Variants in GOLM1 observed in about 807,000 individuals in gnomAD.
GOLM1 encodes the protein epididymis luminal protein 46.
Under a neutral mutation model 50.5 loss-of-function variants are expected in GOLM1, and 31 were observed. The observed-to-expected ratio is 0.61, with a 90% CI of 0.46 to 0.83. The LOEUF (loss-of-function observed/expected upper bound fraction) is 0.83, where lower values mean the gene tolerates loss of function less well. Ranked by LOEUF, GOLM1 falls within the 40% of genes least tolerant of loss-of-function variation. The probability of loss-of-function intolerance (pLI) is 0.00; values close to 1 mark genes in which losing one functional copy is unlikely to be tolerated. For missense variants in GOLM1, 491 were observed against 501.3 expected (o/e 0.98, Z 0.20); for synonymous variants, 178 against 192.8 (o/e 0.92, Z 0.64).
At chr9:86,063,209 C>G (rs142168420) in intron 3 of GOLM1, among the ~76,000 whole-genome samples, 576 of 152,352 alleles carry the variant, frequency 3.8e-3, no homozygotes, top group Admixed American at 6.3e-3. Flanking sequence ...TACAACACAG[C>G]ACCAGCAATC....
chr9:86,059,757 T>C, intron 3 of GOLM1, among the ~76,000 whole-genome samples: 1 of 151,964 alleles, frequency 6.6e-6, no homozygotes, highest in East Asian at 1.9e-4. Context: ...TAGCTGGGCA[T>C]GGTGGCACCT....
intron 3 of GOLM1, among the ~76,000 whole-genome samples, chr9:86,065,353 G>T (rs938255174): frequency 6.6e-6 from 1 of 152,132 alleles, no homozygotes; most frequent in Admixed American, 6.5e-5. Context: ...AACTGGACCC[G>T]GAAAATCGGT....
intron 3 of GOLM1, among the ~76,000 whole-genome samples, chr9:86,067,498 T>C (rs1834338997): frequency 6.6e-6 from 1 of 152,212 alleles, no homozygotes; most frequent in Non-Finnish European, 1.5e-5. Flanking sequence ...TTAAAAACAT[T>C]ACCACAAATT....
At chr9:86,067,994 G>A (rs1834353813) in intron 3 of GOLM1, among the ~76,000 whole-genome samples, 1 of 152,046 alleles carries the variant, frequency 6.6e-6, no homozygotes, top group Admixed American at 6.5e-5. Flanking sequence ...GCGACAGAGT[G>A]AGACTCCGTC....
chr9:86,061,888 A>T (rs1834168736), intron 3 of GOLM1, among the ~76,000 whole-genome samples: 1 of 152,190 alleles, frequency 6.6e-6, no homozygotes, highest in South Asian at 2.1e-4. Flanking sequence ...GTCAGAGAGC[A>T]GCTGAGGAGG....
rs1832801280 is a variant in GOLM1 at position 86,026,841 on chromosome 9, ACAAC to A, written c.*972_*975del. The A allele has an allele frequency of 2.0e-6, 2 of 980,392 alleles. No individual in the cohort carries two copies. The highest frequency in any genetic ancestry group is 2.4e-6 in the Non-Finnish European group (2 of 825,332). 60.7% of individuals were successfully genotyped at this position (980,392 alleles called of 1,614,324 possible). On this transcript the variant is annotated 3_prime_UTR_variant, in exon 10 of 10. Coordinates refer to ENST00000388712, the MANE Select transcript of GOLM1 (RefSeq NM_016548.4). ...GCTAAATGTGTACACTATGATAAAA[ACAAC>A]CATTGTATTCCTGTTTTTCTAAACA...
In GOLM1 at chr9:86,079,424, G is replaced by A; in HGVS notation, c.-21-83C>T. The A allele has an allele frequency of 3.5e-6, 4 of 1,155,040 alleles. No homozygotes were observed. The South Asian group carries it at 6.8e-5, about 20-fold the overall frequency. The allele number at this position is 1,155,040 out of a possible 1,614,324, so 71.5% of individuals were successfully genotyped here. ...GACCGTATCATCCTTACAACCAAGAGGAAAGGAGTCTTGCCAAGAAGCGTG... is the reference window on the plus strand; with the variant it reads ...GACCGTATCATCCTTACAACCAAGAAGAAAGGAGTCTTGCCAAGAAGCGTG... On this transcript the variant is annotated intron_variant, in intron 1 of 9. Coordinates refer to ENST00000388712, the MANE Select transcript of GOLM1 (RefSeq NM_016548.4).
In GOLM1 at chr9:86,052,575, T is replaced by C. The variant is rs1833790584; in HGVS notation, c.326A>G (p.Asn109Ser). ...GATGAGCCTCTCACCTGTGGTGATG[T>C]TATTCACCAAAACCGCCTGCAACGA... is the stretch of plus-strand genomic sequence containing the variant. ...YQDEKAVLVN[N>S]ITTGERLIRV... The change falls in exon 4 of 10, where the codon AAC becomes AGC. Residue 109 changes from asparagine (N) to serine (S), a missense_variant. Transcript: ENST00000388712. 6.2e-7 allele frequency: 1 copy of C among 1,613,492 alleles called. No individual in the cohort carries two copies. Among genetic ancestry groups the C allele is most frequent in the African/African-American group, 1.3e-5 (1 of 74,898 alleles).
intron 5 of GOLM1, among the ~76,000 whole-genome samples, chr9:86,043,004 G>C (rs1419163264): frequency 6.6e-6 from 1 of 152,176 alleles, no homozygotes; most frequent in African/African-American, 2.4e-5. Flanking sequence ...GGCCACTAGT[G>C]ATTATTCTAA....
intron 4 of GOLM1, among the ~76,000 whole-genome samples, chr9:86,046,785 G>A (rs1356610565): frequency 6.6e-6 from 1 of 152,182 alleles, no homozygotes; most frequent in African/African-American, 2.4e-5. Context: ...GCAGCAAGCC[G>A]AAAGAAGCTG....
chr9:86,057,583 C>T (rs1011132154), intron 3 of GOLM1, among the ~76,000 whole-genome samples: 2 of 152,192 alleles, frequency 1.3e-5, no homozygotes, highest in Admixed American at 6.5e-5. Flanking sequence ...ATGCTGCCTT[C>T]GGTTCCTTGT....
intron 3 of GOLM1, among the ~76,000 whole-genome samples, chr9:86,058,695 CAAAA>C (rs57227258): frequency 9.9e-6 from 1 of 100,986 alleles, no homozygotes. Context: ...GACTCTGTCT[CAAAA>C]AAAAAAAAAA....
chr9:86,046,567 A>C lies in GOLM1; in HGVS notation c.370T>G (p.Leu124Val), dbSNP rs750894457. ...ERLIRVLQDQLKTLQRNYGRL... is the reference protein window; with the variant it reads ...ERLIRVLQDQVKTLQRNYGRL... ...CCGTAATTCCTCTGCAGGGTCTTTA[A>C]CTGGTCTACACCAAGGGGACAAGGA... Residue 124 changes from leucine to valine, a missense_variant, in exon 5 of 10, where the codon TTA (leucine) becomes GTA (valine). Physicochemically the swap from Leu to Val is conservative, Grantham distance 32. Coordinates refer to ENST00000388712, the MANE Select transcript of GOLM1 (RefSeq NM_016548.4). 1.2e-5 allele frequency: 19 copies of C among 1,599,840 alleles called. No individual in the cohort carries two copies. The Admixed American group carries it at 3.2e-4, about 27-fold the overall frequency.
chr9:86,092,584 T>A (rs751155273), intron 1 of GOLM1, among the ~76,000 whole-genome samples: 1 of 152,300 alleles, frequency 6.6e-6, no homozygotes. Context: ...TGAGCAGCTG[T>A]CTAGACAGCA....
At chr9:86,099,762 T>TGCCCCTTCCCCCGGGCCACCCCATC (rs1394737897), upstream of GOLM1, among the ~76,000 whole-genome samples, 4 of 151,986 alleles carry the variant, frequency 2.6e-5, no homozygotes, top group Admixed American at 6.5e-5. Context: ...CGCTGGGCGT[T>TGCCCCTTCCCCCGGGCCACCCCATC]GCCCCTTCCC....
intron 5 of GOLM1, among the ~76,000 whole-genome samples, chr9:86,044,025 C>T (rs1833451522): frequency 6.6e-6 from 1 of 152,176 alleles, no homozygotes. Context: ...GAGCCTAACT[C>T]AAGGTTTCTC....
At chr9:86,099,700 G>C (rs953011370), upstream of GOLM1, 4 of 151,500 alleles carry the variant, frequency 2.6e-5, no homozygotes, top group Non-Finnish European at 5.9e-5. Context: ...CGCCCCGGCC[G>C]GTGGCCGCCC....
At chr9:86,031,781 C>T (rs1832991689) in intron 9 of GOLM1, among the ~76,000 whole-genome samples, 1 of 151,770 alleles carries the variant, frequency 6.6e-6, no homozygotes, top group African/African-American at 2.4e-5. Flanking sequence ...TTTCTAAGAA[C>T]ATTCCAATTA....
intron 2 of GOLM1, among the ~76,000 whole-genome samples, chr9:86,078,684 T>G (rs1218054047): frequency 6.6e-6 from 1 of 152,198 alleles, no homozygotes; most frequent in African/African-American, 2.4e-5. Flanking sequence ...TCTTTGTCAC[T>G]GCTCAGCACT....
Sources: allele counts gnomAD v4.1 joint callset (sites outside exome capture counted in the v4.1 genomes callset), GRCh38; gene constraint gnomAD v4.1.1; transcripts MANE v1.5; gene names NCBI Gene and HGNC (gene_info 2026-07-23, HGNC 2026-07-21).